The following RYR3 variants were observed in gnomAD, a reference collection of about 807,000 sequenced individuals.
RYR3 encodes the protein brain ryanodine receptor-calcium release channel.
A neutral mutation model predicts 584.3 loss-of-function variants in RYR3; 207 were observed. The ratio of observed to expected loss-of-function variants is 0.35; its 90% CI spans 0.32 to 0.40. The LOEUF (loss-of-function observed/expected upper bound fraction) is 0.40. Ranked by LOEUF, RYR3 falls within the 10% of genes least tolerant of loss-of-function variation. The pLI is 1.00. For synonymous variants in RYR3, 2,416 were observed against 2,248.5 expected (o/e 1.07, Z -2.11); for missense variants, 5,616 against 6,089.2 (o/e 0.92, Z 2.59).
intron 16 of RYR3, among the ~76,000 whole-genome samples, chr15:33,591,631 G>A (rs896952212): frequency 1.3e-5 from 2 of 152,096 alleles, no homozygotes; most frequent in Non-Finnish European, 2.9e-5. Context: ...TATAAATAAT[G>A]TATGCATTTT....
chr15:33,355,941 C>T (rs1973913640), intron 1 of RYR3, among the ~76,000 whole-genome samples: 1 of 152,176 alleles, frequency 6.6e-6, no homozygotes, highest in Non-Finnish European at 1.5e-5. Context: ...TAAGTGCCTG[C>T]TTCATATAGA....
chr15:33,595,976 T>C (rs554777168), intron 16 of RYR3, among the ~76,000 whole-genome samples: 174 of 152,136 alleles, frequency 1.1e-3, no homozygotes, highest in African/African-American at 3.9e-3. Flanking sequence ...ATTCTGAACA[T>C]CCCTCCTTTT....
At chr15:33,743,945 A>G (rs1329609170) in intron 52 of RYR3, among the ~76,000 whole-genome samples, 1 of 152,214 alleles carries the variant, frequency 6.6e-6, no homozygotes. Flanking sequence ...ACAATGGTCA[A>G]AATCTTTGGT....
At chr15:33,497,220 G>A (rs2051520637) in intron 2 of RYR3, among the ~76,000 whole-genome samples, 1 of 152,116 alleles carries the variant, frequency 6.6e-6, no homozygotes, top group Admixed American at 6.6e-5. Flanking sequence ...AAATTTCTCC[G>A]CTTTCCTGTC....
At chr15:33,628,330 C>T in intron 20 of RYR3, 141 bp from the exon 21 acceptor site, 1 of 602,760 alleles carries the variant, frequency 1.7e-6, no homozygotes, top group East Asian at 2.8e-5. Flanking sequence ...GGCTGGGGAG[C>T]ATGTGGGTCA....
In RYR3 at chr15:33,757,544, C is replaced by T; in HGVS notation, c.8653C>T (p.Pro2885Ser). The change falls in exon 60 of 104, where the codon CCC (proline) becomes TCC (serine). Residue 2885 changes from proline (P) to serine (S), a missense_variant. Physicochemically the swap from Pro to Ser is moderately conservative, Grantham distance 74. Transcript: ENST00000634891. ...CTACTTCTTGTCATCCCCTCTGAAG[C>T]CCCTTAGCAGCAGCGGATATGCCTC... ...CLYFLSSPLK[P>S]LSSSGYASHK... 1 of 1,611,550 alleles carries T rather than the reference C, an allele frequency of 6.2e-7. No individual in the cohort carries two copies. The highest frequency in any genetic ancestry group is 2.2e-5 in the East Asian group (1 of 44,784).
At chr15:33,623,153 T>C (rs1284874333) in intron 19 of RYR3, among the ~76,000 whole-genome samples, 1 of 152,224 alleles carries the variant, frequency 6.6e-6, no homozygotes, top group East Asian at 1.9e-4. Context: ...GGGATCCCAG[T>C]GAGCAAACTC....
intron 74 of RYR3, chr15:33,813,827 C>G (rs1329247665): frequency 1.6e-5 from 6 of 382,170 alleles, no homozygotes; most frequent in Non-Finnish European, 2.4e-5. Context: ...TAAAGTCAGC[C>G]AAGTAAGCAT....
At chr15:33,467,566 C>T (rs552983612) in intron 1 of RYR3, 133 of 725,976 alleles carry the variant, frequency 1.8e-4, no homozygotes, top group Middle Eastern at 7.0e-4. Flanking sequence ...GGCCAGAGGA[C>T]GGTAGAAAGA....
intron 50 of RYR3, 38 bp from the exon 51 acceptor site, chr15:33,739,794 G>A (rs1340464489): frequency 1.9e-6 from 3 of 1,583,510 alleles, no homozygotes; most frequent in Non-Finnish European, 2.6e-6. Flanking sequence ...GCATGGTTCT[G>A]CTTTCTCTAC....
intron 32 of RYR3, 89 bp downstream of exon 32, chr15:33,652,972 CCA>C: frequency 7.4e-7 from 1 of 1,355,600 alleles, no homozygotes; most frequent in South Asian, 1.5e-5. Flanking sequence ...AGCATTCCTG[CCA>C]CAGTGTGTCA....
intron 67 of RYR3, among the ~76,000 whole-genome samples, chr15:33,796,317 A>G (rs893133839): frequency 3.3e-5 from 5 of 152,068 alleles, no homozygotes; most frequent in Non-Finnish European, 5.9e-5. Flanking sequence ...TATTTTTAGT[A>G]GAGACGGGGT....
rs368458129 is a variant in RYR3 at position 33,673,217 on chromosome 15, GTT to G, written c.5860+2662_5860+2663del. Among the ~76,000 whole-genome samples the G allele has an allele frequency of 4.7e-4, 72 of 152,276 alleles. 1 individual carries two copies. In the East Asian group the frequency reaches 9.3e-3, roughly 20 times the overall value. ...GAATTCAATGTTTTAACATTTAAAAGTTCACCAAACCAAGGATCTGAATCATT... is the reference window on the plus strand; with the variant it reads ...GAATTCAATGTTTTAACATTTAAAAGCACCAAACCAAGGATCTGAATCATT... On this transcript the variant is annotated intron_variant, in intron 38 of 103. Coordinates refer to ENST00000634891, the MANE Select transcript of RYR3 (RefSeq NM_001036.6).
At chr15:33,343,624 T>C (rs906918872) in intron 1 of RYR3, among the ~76,000 whole-genome samples, 3 of 152,244 alleles carry the variant, frequency 2.0e-5, no homozygotes, top group Non-Finnish European at 2.9e-5. Flanking sequence ...AAATTGTTGT[T>C]ATCAGTGGAA....
intron 38 of RYR3, among the ~76,000 whole-genome samples, chr15:33,677,901 A>G (rs1860567590): frequency 6.6e-6 from 1 of 152,212 alleles, no homozygotes; most frequent in Non-Finnish European, 1.5e-5. Context: ...TGGGATTCAC[A>G]GCCAATCACG....
chr15:33,425,833 G>A (rs2596223), intron 1 of RYR3, among the ~76,000 whole-genome samples: 514 of 151,568 alleles, frequency 3.4e-3, no homozygotes, highest in Admixed American at 3.4e-3. Flanking sequence ...TAGTAGAGAC[G>A]GGGTTTCACC....
At chr15:33,521,750 G>C (rs1161597263) in intron 3 of RYR3, among the ~76,000 whole-genome samples, 1 of 152,148 alleles carries the variant, frequency 6.6e-6, no homozygotes, top group African/African-American at 2.4e-5. Context: ...CAGAGTGACT[G>C]CCATAGGTCC....
At chr15:33,376,343 C>G (rs1595893949) in intron 1 of RYR3, among the ~76,000 whole-genome samples, 1 of 152,240 alleles carries the variant, frequency 6.6e-6, no homozygotes, top group East Asian at 1.9e-4. Context: ...GTATGAATAT[C>G]CAACAACTTG....
intron 38 of RYR3, among the ~76,000 whole-genome samples, chr15:33,686,360 TC>T (rs1178442232): frequency 6.6e-6 from 1 of 150,510 alleles, no homozygotes; most frequent in African/African-American, 2.4e-5. Context: ...ACGTACACCC[TC>T]CCAAGACTAC....
Sources: gnomAD v4.1 joint callset for allele counts (sites outside exome capture counted in the v4.1 genomes callset) on GRCh38, gnomAD v4.1.1 for gene constraint, MANE v1.5 for transcripts, NCBI Gene and HGNC (gene_info 2026-07-23, HGNC 2026-07-21) for gene names.